TRIO: variants seen among roughly 807,000 people sequenced by gnomAD.
TRIO encodes trio Rho guanine nucleotide exchange factor, also known as triple functional domain protein.
In TRIO, 58 loss-of-function variants were observed where a neutral mutation model predicts 351.9. That is an observed-to-expected ratio of 0.16 (90% CI 0.13 to 0.21). The LOEUF (loss-of-function observed/expected upper bound fraction) is 0.21, where lower values mean the gene tolerates loss of function less well. Ranked by LOEUF, TRIO falls within the 10% of genes least tolerant of loss-of-function variation. The pLI, the probability that TRIO is intolerant of heterozygous loss-of-function variation, is 1.00. For missense variants in TRIO, 3,201 were observed against 4,027.8 expected, an observed-to-expected ratio of 0.79 and a Z score of 5.56; for synonymous variants, 1,758 against 1,595.7, an observed-to-expected ratio of 1.10 and a Z score of -2.42.
intron 34 of TRIO, 46 bp downstream of exon 34, chr5:14,420,067 C>T: frequency 1.9e-6 from 3 of 1,590,100 alleles, no homozygotes; most frequent in Non-Finnish European, 2.6e-6. Flanking sequence ...CTGGAAGTGG[C>T]CCTGGAGCGC....
intron 1 of TRIO, among the ~76,000 whole-genome samples, 168 bp downstream of exon 1, chr5:14,144,050 C>T (rs949918829): frequency 1.3e-5 from 2 of 151,894 alleles, no homozygotes; most frequent in South Asian, 2.1e-4. Context: ...CGGGGCTGCC[C>T]GCCCCACATC....
intron 1 of TRIO, among the ~76,000 whole-genome samples, chr5:14,191,160 GT>G (rs1315889101): frequency 6.6e-6 from 1 of 152,140 alleles, no homozygotes; most frequent in Non-Finnish European, 1.5e-5. Flanking sequence ...TACCTAGTGG[GT>G]CAAGGCTGAT....
chr5:14,374,491 G>T, intron 19 of TRIO, 148 bp downstream of exon 19: 3 of 487,418 alleles, frequency 6.2e-6, no homozygotes, highest in South Asian at 3.3e-5. Context: ...AATGATCTTA[G>T]TTTAATAATA....
At position 14,266,841 on chromosome 5, in the gene TRIO, T is replaced by C. The variant is rs546111573; in HGVS notation, c.158-3984T>C. On this transcript the variant is annotated intron_variant, in intron 1 of 56. Transcript: ENST00000344204. ...AATATTAGTGTAAACATTCTGAACA[T>C]AGTCATTGTAGACTTGGTTCAGAAG... Among the ~76,000 whole-genome samples the C allele has an allele frequency of 3.3e-5, 5 of 152,350 alleles. No homozygotes were observed. In the East Asian group the frequency reaches 9.6e-4, roughly 29 times the overall value.
At chr5:14,374,578 A>C (rs922111139) in intron 19 of TRIO, among the ~76,000 whole-genome samples, 1 of 152,188 alleles carries the variant, frequency 6.6e-6, no homozygotes, top group Non-Finnish European at 1.5e-5. Context: ...AAGAATATAA[A>C]CAGGGAGAAA....
At position 14,497,167 on chromosome 5, in the gene TRIO, G is replaced by A. The variant is rs111467445; in HGVS notation, c.8019+150G>A. Reference sequence around the variant, plus strand: ...TGCCCTGCGTGTCCTGTAGGGTCTTGTTAGGGGCACTATGCTGGCCAGCAC... The same window carrying A: ...TGCCCTGCGTGTCCTGTAGGGTCTTATTAGGGGCACTATGCTGGCCAGCAC... On this transcript the variant is annotated intron_variant, in intron 50 of 56. Coordinates refer to ENST00000344204, the MANE Select transcript of TRIO (RefSeq NM_007118.4). The surrounding 1 kb of genome is among the most constrained non-coding windows in gnomAD (Gnocchi z 4.4). 2.6e-3 allele frequency: 3,041 copies of A among 1,192,498 alleles called. 67 individuals carry two copies. In the African/African-American group the frequency reaches 0.042, roughly 17 times the overall value. 73.9% of individuals were successfully genotyped at this position (1,192,498 alleles called of 1,614,324 possible).
chr5:14,415,366 C>T (rs1401398266), intron 33 of TRIO, among the ~76,000 whole-genome samples: 1 of 152,124 alleles, frequency 6.6e-6, no homozygotes, highest in Admixed American at 6.5e-5. Flanking sequence ...GAACTCATCG[C>T]AGAGCTTGGT....
chr5:14,150,830 G>GC (rs1319120988), intron 1 of TRIO, among the ~76,000 whole-genome samples: 2 of 152,174 alleles, frequency 1.3e-5, no homozygotes, highest in African/African-American at 4.8e-5. Flanking sequence ...TCTTATAATT[G>GC]CCCGGGGGTG....
rs1160204718 is a variant in TRIO, at chr5:14,389,385, G to C, written c.4045G>C (p.Glu1349Gln). Residue 1349 changes from glutamate (E) to glutamine (Q), a missense_variant, in exon 25 of 57, where the codon GAA (glutamate) becomes CAA (glutamine). Around this residue, in one of 19 missense-constraint regions of TRIO, gnomAD observed 115 missense variants for 239.6 expected, o/e 0.48. Coordinates refer to ENST00000344204, the MANE Select transcript of TRIO (RefSeq NM_007118.4). ...IIFGNMQEIY[E>Q]FHNNIFLKEL... Reference sequence around the variant, plus strand: ...CTTCGGAAACATGCAAGAAATCTACGAATTTCATAATAAGTGAGTGGCTTT... The same window carrying C: ...CTTCGGAAACATGCAAGAAATCTACCAATTTCATAATAAGTGAGTGGCTTT... The C allele has an allele frequency of 6.2e-7, 1 of 1,609,630 alleles. No homozygotes were observed. Among genetic ancestry groups the C allele is most frequent in the Non-Finnish European group, 8.5e-7 (1 of 1,178,176 alleles).
At chr5:14,507,764 G>A in intron 56 of TRIO, 116 bp from the exon 57 acceptor site, 1 of 1,323,556 alleles carries the variant, frequency 7.6e-7, no homozygotes, top group Non-Finnish European at 1.0e-6. Flanking sequence ...CACATGCATG[G>A]CTTGTCCTAG....
chr5:14,403,077 G>A (rs1430837520), intron 31 of TRIO, among the ~76,000 whole-genome samples: 1 of 150,240 alleles, frequency 6.7e-6, no homozygotes, highest in Non-Finnish European at 1.5e-5. Flanking sequence ...AGGTTGTGGT[G>A]AGGGTACAGG....
intron 1 of TRIO, among the ~76,000 whole-genome samples, chr5:14,210,476 G>A (rs1231307736): frequency 1.3e-5 from 2 of 152,178 alleles, no homozygotes; most frequent in Non-Finnish European, 2.9e-5. Flanking sequence ...TTTAACTTAT[G>A]GGAGCATCTG....
chr5:14,449,422 T>C (rs1752678368), intron 34 of TRIO, among the ~76,000 whole-genome samples: 1 of 152,186 alleles, frequency 6.6e-6, no homozygotes, highest in South Asian at 2.1e-4. Flanking sequence ...GGCTTCTCAC[T>C]CTGGGTGGTG....
At chr5:14,332,558 T>C (rs2152316693) in intron 10 of TRIO, among the ~76,000 whole-genome samples, 1 of 152,362 alleles carries the variant, frequency 6.6e-6, no homozygotes, top group African/African-American at 2.4e-5. Context: ...ATAAGATGTA[T>C]TGTTTTTAAT....
intron 1 of TRIO, among the ~76,000 whole-genome samples, chr5:14,262,773 G>GTAC (rs1561265809): frequency 6.6e-6 from 1 of 151,968 alleles, no homozygotes; most frequent in African/African-American, 2.4e-5. Context: ...TATGAGGCAG[G>GTAC]TACTGTTCTG....
chr5:14,397,164 C>G lies in TRIO; in HGVS notation c.4423+10C>G. 6.3e-7 allele frequency: 1 copy of G among 1,589,772 alleles called. No homozygotes were observed. Among genetic ancestry groups the G allele is most frequent in the Non-Finnish European group, 8.6e-7 (1 of 1,167,128 alleles). Reference sequence around the variant, plus strand: ...CTCAGCATGCTGGAAGGTAAAGGACCCTCCATACCCCAGTGTGCATCTATG... The same window carrying G: ...CTCAGCATGCTGGAAGGTAAAGGACGCTCCATACCCCAGTGTGCATCTATG... On this transcript the variant is annotated intron_variant, in intron 29 of 56. Transcript: ENST00000344204.
chr5:14,284,752 A>G (rs1736297637), intron 3 of TRIO, among the ~76,000 whole-genome samples: 1 of 152,262 alleles, frequency 6.6e-6, no homozygotes, highest in African/African-American at 2.4e-5. Flanking sequence ...TGATGGTTAC[A>G]GTGCGGTCTA....
At chr5:14,277,066 T>C (rs1735585368) in intron 2 of TRIO, among the ~76,000 whole-genome samples, 2 of 152,216 alleles carry the variant, frequency 1.3e-5, no homozygotes, top group Admixed American at 1.3e-4. Context: ...TTGTGTGGAA[T>C]ATGGAAAAAT....
chr5:14,304,210 C>G (rs1379672818), intron 7 of TRIO, among the ~76,000 whole-genome samples: 1 of 152,140 alleles, frequency 6.6e-6, no homozygotes, highest in Non-Finnish European at 1.5e-5. Flanking sequence ...CAGACCTGGG[C>G]AGCAGTCAGT....
Sources: gnomAD v4.1 joint callset for allele counts (sites outside exome capture counted in the v4.1 genomes callset) on GRCh38, gnomAD v4.1.1 for gene constraint, gnomAD v4.1.1 regional missense constraint, Gnocchi (gnomAD v3.1) non-coding constraint, MANE v1.5 for transcripts, NCBI Gene and HGNC (gene_info 2026-07-23, HGNC 2026-07-21) for gene names.